The following GALNTL6 variants were observed in gnomAD, a reference collection of about 807,000 sequenced individuals.
The protein encoded by GALNTL6 is polypeptide N-acetylgalactosaminyltransferase like 6, also known as polypeptide N-acetylgalactosaminyltransferase-like 6.
In GALNTL6, 46 loss-of-function variants were observed where a neutral mutation model predicts 73.7. That is an observed-to-expected ratio of 0.62 (90% CI 0.49 to 0.80). The LOEUF is 0.80. Ranked by LOEUF, GALNTL6 falls within the 30% of genes least tolerant of loss-of-function variation. The pLI is 0.00. For missense variants in GALNTL6, 604 were observed against 755.0 expected (o/e 0.80, Z 2.34); for synonymous variants, 259 against 263.7 (o/e 0.98, Z 0.17).
chr4:172,336,147 C>T (rs1741307748), intron 4 of GALNTL6, among the ~76,000 whole-genome samples: 1 of 151,006 alleles, frequency 6.6e-6, no homozygotes, highest in South Asian at 2.1e-4. Flanking sequence ...TATTATGTCT[C>T]TATTTTTTAT....
chr4:172,040,548 T>C lies in GALNTL6; in HGVS notation c.139-189108T>C, dbSNP rs374049949. On this transcript the variant is annotated intron_variant, in intron 2 of 12. Coordinates refer to ENST00000506823, the MANE Select transcript of GALNTL6 (RefSeq NM_001034845.3). Reference sequence around the variant, plus strand: ...ACAATTTGCTTACTGGTTCAATTTCTACCATGCCATTAATGATGACTAATA... The same window carrying C: ...ACAATTTGCTTACTGGTTCAATTTCCACCATGCCATTAATGATGACTAATA... Among the ~76,000 whole-genome samples the C allele has an allele frequency of 2.0e-5, 3 of 152,226 alleles. No individual in the cohort carries two copies. In the East Asian group the frequency reaches 5.8e-4, roughly 29 times the overall value.
At chr4:172,268,192 A>G (rs1462230199) in intron 3 of GALNTL6, among the ~76,000 whole-genome samples, 3 of 152,230 alleles carry the variant, frequency 2.0e-5, no homozygotes, top group African/African-American at 7.2e-5. Context: ...TGCCAAATAT[A>G]TCAAATCCTA....
At chr4:172,386,346 C>A (rs1743469389) in intron 5 of GALNTL6, among the ~76,000 whole-genome samples, 2 of 152,098 alleles carry the variant, frequency 1.3e-5, no homozygotes, top group Admixed American at 1.3e-4. Context: ...GGTAAGGACA[C>A]TTTCCCTGGT....
intron 5 of GALNTL6, among the ~76,000 whole-genome samples, chr4:172,480,983 C>T (rs7669065): frequency 0.14 from 21,994 of 152,218 alleles, 1,833 homozygotes; most frequent in Non-Finnish European, 0.2. Context: ...TTGGTCAAAG[C>T]AAGTCACAAC....
chr4:172,981,093 CATCT>C (rs1478426265), intron 10 of GALNTL6, among the ~76,000 whole-genome samples: 11 of 152,158 alleles, frequency 7.2e-5, no homozygotes, highest in African/African-American at 2.7e-4. Flanking sequence ...TTTATGCATC[CATCT>C]GTCAATGGAC....
chr4:172,020,609 T>C (rs1463886984), intron 2 of GALNTL6, among the ~76,000 whole-genome samples: 2 of 150,494 alleles, frequency 1.3e-5, no homozygotes, highest in Admixed American at 1.3e-4. Context: ...GATTAGACCA[T>C]GAAGAAATAC....
chr4:172,879,819 G>A (rs927726400), intron 7 of GALNTL6, among the ~76,000 whole-genome samples: 1 of 151,724 alleles, frequency 6.6e-6, no homozygotes, highest in African/African-American at 2.4e-5. Flanking sequence ...GAAAATCAAT[G>A]AAACCAAAAG....
At chr4:171,986,648 T>C (rs1453457650) in intron 2 of GALNTL6, among the ~76,000 whole-genome samples, 1 of 152,018 alleles carries the variant, frequency 6.6e-6, no homozygotes, top group Non-Finnish European at 1.5e-5. Context: ...GAAGATTTTG[T>C]GGTAAGGGGT....
At chr4:172,374,756 G>T (rs1201761636) in intron 5 of GALNTL6, among the ~76,000 whole-genome samples, 2 of 152,158 alleles carry the variant, frequency 1.3e-5, no homozygotes, top group African/African-American at 2.4e-5. Context: ...AAGATACCAG[G>T]TATCTCCAAA....
At chr4:172,358,857 CAAAAAAAAAAAAAA>C (rs56119441) in intron 5 of GALNTL6, among the ~76,000 whole-genome samples, 2 of 85,554 alleles carry the variant, frequency 2.3e-5, no homozygotes, top group Non-Finnish European at 4.4e-5. Flanking sequence ...ATTAAAAAGT[CAAAAAAAAAAAAAA>C]AAAAAAAAAA....
intron 5 of GALNTL6, among the ~76,000 whole-genome samples, chr4:172,583,269 A>G (rs189786249): frequency 5.3e-5 from 8 of 152,228 alleles, no homozygotes; most frequent in East Asian, 3.9e-4. Flanking sequence ...AAGAACCCCA[A>G]TGTATCTTAT....
In GALNTL6 at chr4:172,351,181, GTCTATCTATCTATCTA is replaced by G. The variant is rs56948823; in HGVS notation, c.553+2525_553+2540del. On this transcript the variant is annotated intron_variant, in intron 5 of 12. Coordinates refer to ENST00000506823, the MANE Select transcript of GALNTL6 (RefSeq NM_001034845.3). ...AATCAAATGTGATCCACAATAATCT[GTCTATCTATCTATCTA>G]TCTATCTATCTATCTATCTATCTAT... 7.0e-3 allele frequency among the ~76,000 whole-genome samples: 860 copies of G among 122,594 alleles called. 15 individuals carry two copies. Among genetic ancestry groups the G allele is most frequent in the African/African-American group, 0.023 (744 of 32,476 alleles). The allele number at this position is 122,594 out of a possible 152,430, so 80.4% of individuals were successfully genotyped here.
intron 5 of GALNTL6, among the ~76,000 whole-genome samples, chr4:172,564,695 A>G (rs2110933892): frequency 6.6e-6 from 1 of 152,330 alleles, no homozygotes; most frequent in Admixed American, 6.5e-5. Context: ...ATAAAAACAA[A>G]CTAATTGCAT....
chr4:172,397,953 A>G (rs573472171), intron 5 of GALNTL6, among the ~76,000 whole-genome samples: 7 of 151,328 alleles, frequency 4.6e-5, no homozygotes, highest in Non-Finnish European at 1.0e-4. Context: ...CTTTTTTTTT[A>G]CTTTTGGATT....
At chr4:172,860,427 A>G (rs1467795973) in intron 7 of GALNTL6, among the ~76,000 whole-genome samples, 27 of 152,210 alleles carry the variant, frequency 1.8e-4, no homozygotes, top group Admixed American at 1.8e-3. Flanking sequence ...GGCAAGTTTA[A>G]GACAGACTAA....
intron 2 of GALNTL6, among the ~76,000 whole-genome samples, chr4:171,914,162 G>A (rs1737549319): frequency 1.3e-5 from 2 of 152,102 alleles, no homozygotes; most frequent in Admixed American, 1.3e-4. Context: ...CATGACATAG[G>A]AATATAGAGG....
In GALNTL6 at chr4:172,057,727, A is replaced by AATATAT. The variant is rs147660032; in HGVS notation, c.139-171903_139-171898dup. The stretch of plus-strand genomic sequence containing the variant: ...AAAAAAAAAAAAAAAAAAAAAAAAA[A>AATATAT]ATATATATATATATATATATATATA... On this transcript the variant is annotated intron_variant, in intron 2 of 12. Coordinates refer to ENST00000506823, the MANE Select transcript of GALNTL6 (RefSeq NM_001034845.3). Among the ~76,000 whole-genome samples the AATATAT allele has an allele frequency of 3.5e-3, 163 of 46,124 alleles. 1 individual carries two copies. Among genetic ancestry groups the AATATAT allele is most frequent in the East Asian group, 5.5e-3 (6 of 1,088 alleles). The allele number at this position is 46,124 out of a possible 152,430, so 30.3% of individuals were successfully genotyped here. A position where few individuals can be genotyped will look rare whatever the true frequency, so the allele number is the denominator to read the frequency against.
intron 5 of GALNTL6, among the ~76,000 whole-genome samples, chr4:172,735,657 T>G (rs1736416583): frequency 6.6e-6 from 1 of 152,148 alleles, no homozygotes; most frequent in South Asian, 2.1e-4. Flanking sequence ...TGATATGGTT[T>G]GGCTATGTCT....
intron 5 of GALNTL6, among the ~76,000 whole-genome samples, chr4:172,355,136 A>G (rs939939468): frequency 6.6e-6 from 1 of 152,058 alleles, no homozygotes; most frequent in Non-Finnish European, 1.5e-5. Flanking sequence ...TAATGAGGGC[A>G]TTGGTAGTCA....
Sources: allele counts gnomAD v4.1 joint callset (sites outside exome capture counted in the v4.1 genomes callset), GRCh38; gene constraint gnomAD v4.1.1; transcripts MANE v1.5; gene names NCBI Gene and HGNC (gene_info 2026-07-23, HGNC 2026-07-21).